ARL5C: variants seen among roughly 807,000 people sequenced by gnomAD.
ARL5C encodes putative ADP-ribosylation factor-like protein 5C.
Under a neutral mutation model 20.8 loss-of-function variants are expected in ARL5C, and 21 were observed. The observed-to-expected ratio is 1.01, with a 90% CI of 0.72 to 1.46. The LOEUF (loss-of-function observed/expected upper bound fraction) is 1.46, where lower values mean the gene tolerates loss of function less well. ARL5C is among the 40% of genes most tolerant of loss of function. The pLI, the probability that ARL5C is intolerant of heterozygous loss-of-function variation, is 0.00. For missense variants in ARL5C, 199 were observed against 225.1 expected (o/e 0.88, Z 0.74); for synonymous variants, 71 against 81.6 (o/e 0.87, Z 0.70).
intron 5 of ARL5C, among the ~76,000 whole-genome samples, chr17:39,159,442 A>G (rs1343462260): frequency 6.6e-6 from 1 of 151,652 alleles, no homozygotes; most frequent in Admixed American, 6.6e-5. Context: ...GATTACAGGC[A>G]TCTGCCACCA....
At chr17:39,160,967 T>C (rs2045432009) in intron 4 of ARL5C, among the ~76,000 whole-genome samples, 1 of 152,222 alleles carries the variant, frequency 6.6e-6, no homozygotes, top group Non-Finnish European at 1.5e-5. Flanking sequence ...TGGGAATTGA[T>C]GATCCTCCTC....
intron 5 of ARL5C, among the ~76,000 whole-genome samples, chr17:39,159,678 T>C (rs1029329808): frequency 6.6e-6 from 1 of 152,170 alleles, no homozygotes; most frequent in Non-Finnish European, 1.5e-5. Flanking sequence ...AGGGCAGGGA[T>C]TTTTGTCTGT....
Position 39,165,745 on chromosome 17 carries a change from C to T in ARL5C, c.16G>A (p.Ala6Thr). Residue 6 changes from alanine (A) to threonine (T), a missense_variant, in exon 1 of 6, where the codon GCC (alanine) becomes ACC (threonine). By Grantham distance (58) the Ala-to-Thr change is moderately conservative. Transcript: ENST00000269586. MGQLIAKLMSIFGNQE... is the reference protein window; with the variant it reads MGQLITKLMSIFGNQE... Reference sequence around the variant, plus strand: ...TTCCCGAAGATGCTCATTAACTTGGCGATCAGCTGTCCCATGGCACTTCCC... The same window carrying T: ...TTCCCGAAGATGCTCATTAACTTGGTGATCAGCTGTCCCATGGCACTTCCC... 6.4e-7 allele frequency: 1 copy of T among 1,551,834 alleles called. No homozygotes were observed. The highest frequency in any genetic ancestry group is 8.7e-7 in the Non-Finnish European group (1 of 1,146,982).
At chr17:39,161,088 G>C (rs2045432372) in intron 4 of ARL5C, among the ~76,000 whole-genome samples, 180 bp downstream of exon 4, 1 of 152,200 alleles carries the variant, frequency 6.6e-6, no homozygotes, top group African/African-American at 2.4e-5. Context: ...GGCTTCTATA[G>C]TCAATTGCAC....
At chr17:39,165,569 G>T in intron 1 of ARL5C, 146 bp downstream of exon 1, 1 of 968,628 alleles carries the variant, frequency 1.0e-6, no homozygotes, top group Non-Finnish European at 1.5e-6. Context: ...AGGGACGGGG[G>T]CAGGGGAGGC....
Position 39,165,285 on chromosome 17 carries a change from G to C in ARL5C, c.47-146C>G, listed in dbSNP as rs520054. On this transcript the variant is annotated intron_variant, in intron 1 of 5. Transcript: ENST00000269586. The stretch of plus-strand genomic sequence containing the variant: ...CCGTACCGCGTCTGCTTCCCACCCA[G>C]CTCCGACACCTGCCCCACTCCGGGA... 4.8e-5 allele frequency: 35 copies of C among 733,066 alleles called. 1 individual carries two copies. In the South Asian group the frequency reaches 5.6e-4, roughly 12 times the overall value. 45.4% of individuals were successfully genotyped at this position (733,066 alleles called of 1,614,324 possible).
In ARL5C at chr17:39,160,688, A is replaced by T; in HGVS notation, c.394T>A (p.Ser132Thr). ...TGGGAGATCTCCACCATCCTCATGG[A>T]GTCCTTCACGTCCTGCTTATTGGCA... ...IFANKQDVKD[S>T]MRMVEISHFL... Residue 132 changes from serine (S) to threonine (T), a missense_variant, in exon 5 of 6, where the codon TCC becomes ACC. Ser to Thr is a moderately conservative substitution (Grantham distance 58). Coordinates refer to ENST00000269586, the MANE Select transcript of ARL5C (RefSeq NM_001143968.1). The T allele has an allele frequency of 6.4e-7, 1 of 1,551,854 alleles. No individual in the cohort carries two copies. Among genetic ancestry groups the T allele is most frequent in the Non-Finnish European group, 8.7e-7 (1 of 1,147,002 alleles).
chr17:39,160,701 C>T lies in ARL5C; in HGVS notation c.381G>A (p.Gln127=). 9.0e-6 allele frequency: 14 copies of T among 1,551,838 alleles called. No homozygotes were observed. The highest frequency in any genetic ancestry group is 1.2e-5 in the Non-Finnish European group (14 of 1,147,014). ...CCATCCTCATGGAGTCCTTCACGTC[C>T]TGCTTATTGGCAAATATCAGGACTG... ...DASVLIFANK[Q]DVKDSMRMVE... The change falls in exon 5 of 6, where the codon CAG becomes CAA. Residue 127 remains glutamine, a synonymous_variant. Coordinates refer to ENST00000269586, the MANE Select transcript of ARL5C (RefSeq NM_001143968.1).
In ARL5C at chr17:39,160,705, T is replaced by G; in HGVS notation, c.377A>C (p.Lys126Thr). The G allele has an allele frequency of 2.6e-6, 4 of 1,551,864 alleles. No homozygotes were observed. The highest frequency in any genetic ancestry group is 3.5e-6 in the Non-Finnish European group (4 of 1,147,000). The change falls in exon 5 of 6, where the codon AAG (lysine) becomes ACG (threonine). Residue 126 changes from lysine (K) to threonine (T), a missense_variant. Lys to Thr is a moderately conservative substitution (Grantham distance 78, BLOSUM62 -1). Coordinates refer to ENST00000269586, the MANE Select transcript of ARL5C (RefSeq NM_001143968.1). ...CCTCATGGAGTCCTTCACGTCCTGC[T>G]TATTGGCAAATATCAGGACTGAAGC... ...QDASVLIFAN[K>T]QDVKDSMRMV... is the part of the protein sequence containing the mutation.
intron 4 of ARL5C, 138 bp from the exon 5 acceptor site, chr17:39,160,880 G>C (rs1597668096): frequency 1.0e-5 from 10 of 999,102 alleles, no homozygotes. Flanking sequence ...AGAGATGGGG[G>C]CCCTGCCACA....
At position 39,165,805 on chromosome 17, in the gene ARL5C, A is replaced by T. The variant is rs762365899; in HGVS notation, c.-45T>A. On this transcript the variant is annotated 5_prime_UTR_variant, in exon 1 of 6. Transcript: ENST00000269586. ...AGGTGCAGGAGGGCTCAGCGGCCTC[A>T]GGAGCGGAGTCGGCCCTGGTATTCG... The T allele has an allele frequency of 1.3e-6, 2 of 1,550,378 alleles. No homozygotes were observed. The highest frequency in any genetic ancestry group is 1.2e-5 in the South Asian group (1 of 84,040).
intron 5 of ARL5C, among the ~76,000 whole-genome samples, chr17:39,158,988 T>C (rs1365037107): frequency 6.6e-6 from 1 of 151,062 alleles, no homozygotes; most frequent in African/African-American, 2.4e-5. Flanking sequence ...AATCTCTGTT[T>C]CTTACTCTTT....
At chr17:39,156,799 G>C, downstream of ARL5C, 4 of 1,425,112 alleles carry the variant, frequency 2.8e-6, no homozygotes, top group Non-Finnish European at 3.9e-6. Flanking sequence ...GCTCCCACTA[G>C]AGAACCATAG....
chr17:39,157,501 C>G (rs2045411105), intron 5 of ARL5C, among the ~76,000 whole-genome samples: 1 of 152,202 alleles, frequency 6.6e-6, no homozygotes, highest in Admixed American at 6.5e-5. Flanking sequence ...TTAGAAAATG[C>G]TGATTGGGCC....
chr17:39,159,587 G>A (rs563071257), intron 5 of ARL5C, among the ~76,000 whole-genome samples: 39 of 152,200 alleles, frequency 2.6e-4, no homozygotes, highest in Non-Finnish European at 4.7e-4. Context: ...ATGAGCCACC[G>A]CGCCCCGCCA....
At chr17:39,164,621 C>T (rs1029801885) in intron 2 of ARL5C, among the ~76,000 whole-genome samples, 1 of 152,072 alleles carries the variant, frequency 6.6e-6, no homozygotes, top group Non-Finnish European at 1.5e-5. Context: ...GAGCGAATAT[C>T]GGGGAAAGCT....
intron 2 of ARL5C, 37 bp downstream of exon 2, chr17:39,165,042 C>A: frequency 6.5e-7 from 1 of 1,544,706 alleles, no homozygotes. Context: ...TGGTGGGAGG[C>A]CCAGCTCTCT....
At chr17:39,163,392 TTC>T (rs1293820729) in intron 2 of ARL5C, among the ~76,000 whole-genome samples, 1 of 139,904 alleles carries the variant, frequency 7.1e-6, no homozygotes, top group Non-Finnish European at 1.5e-5. Flanking sequence ...CTTTCTTTCT[TTC>T]TCTCTTTCTT....
intron 5 of ARL5C, among the ~76,000 whole-genome samples, chr17:39,159,038 T>TG (rs1334860112): frequency 2.3e-5 from 3 of 128,876 alleles, no homozygotes; most frequent in African/African-American, 5.9e-5. Flanking sequence ...TTTTTTTTTT[T>TG]TTTTTTTTTT....
Sources: allele counts gnomAD v4.1 joint callset (sites outside exome capture counted in the v4.1 genomes callset), GRCh38; gene constraint gnomAD v4.1.1; transcripts MANE v1.5; gene names NCBI Gene and HGNC (gene_info 2026-07-23, HGNC 2026-07-21).